PLEKHA6: variants seen among roughly 807,000 people sequenced by gnomAD.
PLEKHA6 encodes the protein pleckstrin homology domain-containing family A member 6.
In PLEKHA6, 60 loss-of-function variants were observed where a neutral mutation model predicts 116.7. The ratio of observed to expected loss-of-function variants is 0.51; its 90% CI spans 0.42 to 0.64. The LOEUF (loss-of-function observed/expected upper bound fraction) is 0.64, where lower values mean the gene tolerates loss of function less well. Among genes scored for constraint, PLEKHA6 ranks in the 30% least tolerant of loss-of-function variants. The pLI is 0.00. For missense variants in PLEKHA6, 1,338 were observed against 1,422.7 expected (o/e 0.94, Z 0.96); for synonymous variants, 489 against 556.1 (o/e 0.88, Z 1.70).
intron 1 of PLEKHA6, among the ~76,000 whole-genome samples, chr1:204,279,756 A>T (rs932015976): frequency 4.6e-5 from 7 of 152,208 alleles, no homozygotes; most frequent in African/African-American, 1.7e-4. Context: ...CCAAACATTC[A>T]GTCCAAGATC....
At chr1:204,365,249 A>T (rs115174626) in intron 3 of PLEKHA6, among the ~76,000 whole-genome samples, 97 of 152,340 alleles carry the variant, frequency 6.4e-4, no homozygotes, top group Middle Eastern at 3.4e-3. Context: ...GACGGGTAAC[A>T]TGCAAAGTTT....
chr1:204,253,662 C>CA (rs947535394), intron 9 of PLEKHA6, among the ~76,000 whole-genome samples: 1 of 151,340 alleles, frequency 6.6e-6, no homozygotes, highest in Non-Finnish European at 1.5e-5. Context: ...CCCATCTCTA[C>CA]AAAAAAAAAT....
chr1:204,327,640 G>A (rs977868056), intron 1 of PLEKHA6, among the ~76,000 whole-genome samples: 1 of 152,230 alleles, frequency 6.6e-6, no homozygotes, highest in African/African-American at 2.4e-5. Flanking sequence ...GGGCAGATGG[G>A]CGAGCGCTGT....
chr1:204,228,775 C>T lies in PLEKHA6; in HGVS notation c.2838G>A (p.Glu946=). ...DTPLSPEELK[E]KQKKVERIKT... The stretch of plus-strand genomic sequence containing the variant: ...TGATCCTCTCCACCTTCTTCTGCTT[C>T]TCCTTCAACTCCTCAGGGCTCAGGG... Residue 946 remains glutamate, a synonymous_variant, in exon 20 of 23, where the codon GAG becomes GAA. Coordinates refer to ENST00000272203, the MANE Select transcript of PLEKHA6 (RefSeq NM_014935.5). The surrounding 1 kb of genome is among the most constrained non-coding windows in gnomAD (Gnocchi z 4.0). 1 of 1,613,928 alleles carries T rather than the reference C, an allele frequency of 6.2e-7. No homozygotes were observed. The highest frequency in any genetic ancestry group is 8.5e-7 in the Non-Finnish European group (1 of 1,179,866).
intron 1 of PLEKHA6, among the ~76,000 whole-genome samples, chr1:204,335,632 A>C (rs1455161102): frequency 6.6e-6 from 1 of 152,052 alleles, no homozygotes; most frequent in Non-Finnish European, 1.5e-5. Flanking sequence ...AGTGCCAGGG[A>C]GATGATGCCA....
At chr1:204,352,546 G>A (rs1027772653) in intron 1 of PLEKHA6, among the ~76,000 whole-genome samples, 3 of 152,102 alleles carry the variant, frequency 2.0e-5, no homozygotes, top group Non-Finnish European at 2.9e-5. Flanking sequence ...GCTGAGACCC[G>A]GCTTAAGGTT....
chr1:204,291,491 C>T (rs12071901), intron 1 of PLEKHA6, among the ~76,000 whole-genome samples: 13,086 of 152,230 alleles, frequency 0.086, 1,178 homozygotes, highest in African/African-American at 0.23. Flanking sequence ...TCACAGCAGC[C>T]TTATTTGTGA....
At chr1:204,315,243 A>G (rs1671811485) in intron 1 of PLEKHA6, among the ~76,000 whole-genome samples, 1 of 151,324 alleles carries the variant, frequency 6.6e-6, no homozygotes, top group Non-Finnish European at 1.5e-5. Context: ...TCATCATGTG[A>G]CTCTCTTGCT....
chr1:204,316,087 T>A (rs1300854825), intron 1 of PLEKHA6, among the ~76,000 whole-genome samples: 1 of 152,214 alleles, frequency 6.6e-6, no homozygotes, highest in East Asian at 1.9e-4. Flanking sequence ...ACGATGCATG[T>A]AATGCAATGC....
At chr1:204,295,723 A>G (rs1558152704) in intron 1 of PLEKHA6, among the ~76,000 whole-genome samples, 1 of 151,940 alleles carries the variant, frequency 6.6e-6, no homozygotes, top group African/African-American at 2.4e-5. Flanking sequence ...CCCTCACCCC[A>G]TTTTAGAGGC....
chr1:204,356,048 C>T (rs1673407790), intron 1 of PLEKHA6, among the ~76,000 whole-genome samples: 1 of 151,814 alleles, frequency 6.6e-6, no homozygotes, highest in African/African-American at 2.4e-5. Context: ...TAAATTAGTG[C>T]TTTTGAACGA....
At chr1:204,252,908 G>A (rs1057105343) in intron 9 of PLEKHA6, among the ~76,000 whole-genome samples, 1 of 152,176 alleles carries the variant, frequency 6.6e-6, no homozygotes, top group Non-Finnish European at 1.5e-5. Context: ...TCCCCAACAC[G>A]CAGATCCAGA....
At chr1:204,227,462 G>A (rs924456222) in intron 21 of PLEKHA6, among the ~76,000 whole-genome samples, 1 of 152,166 alleles carries the variant, frequency 6.6e-6, no homozygotes, top group Non-Finnish European at 1.5e-5. Context: ...AGGCTGAGTA[G>A]AAGCTGACCC....
chr1:204,304,051 T>C (rs1279989416), intron 1 of PLEKHA6, among the ~76,000 whole-genome samples: 2 of 152,134 alleles, frequency 1.3e-5, no homozygotes, highest in African/African-American at 4.8e-5. Flanking sequence ...AGACCCACCA[T>C]TTCAAAAATT....
At chr1:204,310,184 C>G (rs1671606506) in intron 1 of PLEKHA6, among the ~76,000 whole-genome samples, 2 of 152,028 alleles carry the variant, frequency 1.3e-5, no homozygotes, top group South Asian at 4.2e-4. Flanking sequence ...AACAGTGATC[C>G]TCTCCAAGGA....
chr1:204,353,791 C>G (rs1673345832), intron 1 of PLEKHA6, among the ~76,000 whole-genome samples: 1 of 152,166 alleles, frequency 6.6e-6, no homozygotes, highest in South Asian at 2.1e-4. Context: ...CCTCACTTGT[C>G]ATTCAAACAG....
At chr1:204,272,772 A>C (rs1029087099) in intron 3 of PLEKHA6, among the ~76,000 whole-genome samples, 5 of 152,204 alleles carry the variant, frequency 3.3e-5, no homozygotes, top group African/African-American at 1.2e-4. Context: ...AAGTGATATC[A>C]TATTTCTCAT....
At position 204,273,714 on chromosome 1, in the gene PLEKHA6, G is replaced by A. The variant is rs1264601506; in HGVS notation, c.14C>T (p.Thr5Ile). 2 of 1,613,518 alleles carry A rather than the reference G, an allele frequency of 1.2e-6. No homozygotes were observed. Among genetic ancestry groups the A allele is most frequent in the Admixed American group, 3.3e-5 (2 of 60,032 alleles). ...GGTGGTAGCCGGGCGTTTCCCACCTGTTTTATTGGACATGTCCAAGGTCGA... is the reference window on the plus strand; with the variant it reads ...GGTGGTAGCCGGGCGTTTCCCACCTATTTTATTGGACATGTCCAAGGTCGA... The part of the protein sequence containing the change: MSNK[T>I]GGKRPATTNS... The change falls in exon 3 of 23, where the codon ACA (threonine) becomes ATA (isoleucine). Residue 5 changes from threonine to isoleucine, a missense_variant. This residue lies in a region of PLEKHA6 where 62 missense variants were observed against 61.7 expected (regional missense o/e 1.01). Transcript: ENST00000272203.
intron 1 of PLEKHA6, among the ~76,000 whole-genome samples, chr1:204,354,085 G>A (rs1284229154): frequency 6.6e-6 from 1 of 152,158 alleles, no homozygotes; most frequent in East Asian, 1.9e-4. Context: ...AAGCAAATTG[G>A]CACCTGCAAT....
Sources: gnomAD v4.1 joint callset for allele counts (sites outside exome capture counted in the v4.1 genomes callset) on GRCh38, gnomAD v4.1.1 for gene constraint, gnomAD v4.1.1 regional missense constraint, Gnocchi (gnomAD v3.1) non-coding constraint, MANE v1.5 for transcripts, NCBI Gene and HGNC (gene_info 2026-07-23, HGNC 2026-07-21) for gene names.